The following IL1RAPL2 variants were observed in gnomAD, a reference collection of about 807,000 sequenced individuals.
The protein encoded by IL1RAPL2 is X-linked interleukin-1 receptor accessory protein-like 2.
Under a neutral mutation model 44.1 loss-of-function variants are expected in IL1RAPL2, and 3 were observed. That is an observed-to-expected ratio of 0.07 (90% CI 0.03 to 0.18). IL1RAPL2 has a LOEUF of 0.18. Among genes scored for constraint, IL1RAPL2 ranks in the 10% least tolerant of loss-of-function variants. The probability of loss-of-function intolerance (pLI) is 1.00; values close to 1 mark genes in which losing one functional copy is unlikely to be tolerated. For missense variants in IL1RAPL2, 391 were observed against 496.4 expected (o/e 0.79, Z 2.02); for synonymous variants, 181 against 178.8 (o/e 1.01, Z -0.10).
chrX:104,824,709 A>G (rs181318645), intron 2 of IL1RAPL2, among the ~76,000 whole-genome samples: 133 of 111,547 alleles, frequency 1.2e-3, no homozygotes, highest in Non-Finnish European at 1.9e-3. Flanking sequence ...GGTAGTTTAT[A>G]TTTCTGTGGA....
At position 105,000,997 on chromosome X, in the gene IL1RAPL2, T is replaced by C. The variant is rs2030841421; in HGVS notation, c.83-194478T>C. 2.7e-5 allele frequency among the ~76,000 whole-genome samples: 3 copies of C among 111,536 alleles called. No individual in the cohort carries two copies. In the South Asian group the frequency reaches 1.1e-3, roughly 42 times the overall value. The stretch of plus-strand genomic sequence containing the variant: ...ATCAGAGGAAATATTAATAGAAAGG[T>C]CCACTGGAGTCCTTAGCCTTGCAGT... On this transcript the variant is annotated intron_variant, in intron 2 of 10. Transcript: ENST00000372582.
At chrX:104,736,857 C>A (rs1262584379) in intron 2 of IL1RAPL2, among the ~76,000 whole-genome samples, 1 of 111,914 alleles carries the variant, frequency 8.9e-6, no homozygotes, top group Non-Finnish European at 1.9e-5. Context: ...AGAACATGAA[C>A]TTTTCAGTAA....
chrX:104,990,140 C>A (rs950938965), intron 2 of IL1RAPL2, among the ~76,000 whole-genome samples: 1 of 112,084 alleles, frequency 8.9e-6, no homozygotes, highest in Non-Finnish European at 1.9e-5. Context: ...TCTTACATCA[C>A]CAAAATCTAT....
chrX:105,143,591 C>A (rs1256254712), intron 2 of IL1RAPL2, among the ~76,000 whole-genome samples: 3 of 112,208 alleles, frequency 2.7e-5, no homozygotes, highest in African/African-American at 9.7e-5. Context: ...CATCCCATTA[C>A]TGGGTATATA....
intron 3 of IL1RAPL2, among the ~76,000 whole-genome samples, chrX:105,215,419 G>A (rs2033847706): frequency 9.0e-6 from 1 of 111,505 alleles, no homozygotes. Context: ...GGAAGAAGTC[G>A]AATCCCTGAA....
chrX:105,064,315 T>C (rs1382201186), intron 2 of IL1RAPL2, among the ~76,000 whole-genome samples: 3 of 112,431 alleles, frequency 2.7e-5, no homozygotes, highest in African/African-American at 9.7e-5. Flanking sequence ...GTCTCACCCA[T>C]GGCCACCAAT....
chrX:104,876,326 C>G (rs191716941), intron 2 of IL1RAPL2, among the ~76,000 whole-genome samples: 34 of 111,745 alleles, frequency 3.0e-4, no homozygotes, highest in Admixed American at 2.9e-3. Context: ...AATCTCTCTT[C>G]TTAAATTTAT....
chrX:105,011,820 T>C (rs1026354238), intron 2 of IL1RAPL2, among the ~76,000 whole-genome samples: 1 of 110,588 alleles, frequency 9.0e-6, no homozygotes, highest in Admixed American at 9.7e-5. Flanking sequence ...TGGGTATATA[T>C]CTAGGAGTGG....
chrX:105,075,678 T>G (rs1227305760), intron 2 of IL1RAPL2, among the ~76,000 whole-genome samples: 1 of 111,971 alleles, frequency 8.9e-6, no homozygotes, highest in East Asian at 2.8e-4. Context: ...GTCCTGGACT[T>G]TTTTTGGTTG....
At chrX:105,092,552 C>A (rs890393967) in intron 2 of IL1RAPL2, among the ~76,000 whole-genome samples, 17 of 111,085 alleles carry the variant, frequency 1.5e-4, no homozygotes, top group Non-Finnish European at 1.9e-5. Flanking sequence ...GACTCGATTA[C>A]CTAGGCATGA....
chrX:105,613,486 C>A (rs1355720645), intron 6 of IL1RAPL2, among the ~76,000 whole-genome samples: 1 of 111,921 alleles, frequency 8.9e-6, no homozygotes, highest in African/African-American at 3.2e-5. Context: ...ACCTTAGATA[C>A]CACCTCAGCC....
At chrX:105,644,974 A>G (rs12391518) in intron 6 of IL1RAPL2, among the ~76,000 whole-genome samples, 36,371 of 110,555 alleles carry the variant, frequency 0.33, 4,460 homozygotes, top group Middle Eastern at 0.4. Context: ...TCCATGGTGT[A>G]TATGTGCCAC....
intron 2 of IL1RAPL2, among the ~76,000 whole-genome samples, chrX:104,794,598 T>C (rs1393448576): frequency 3.6e-5 from 4 of 111,947 alleles, no homozygotes; most frequent in Admixed American, 9.5e-5. Flanking sequence ...GTACATGATA[T>C]TATGGAAATA....
intron 2 of IL1RAPL2, among the ~76,000 whole-genome samples, chrX:105,080,781 G>A (rs1333200480): frequency 3.6e-5 from 4 of 111,862 alleles, no homozygotes; most frequent in African/African-American, 1.3e-4. Flanking sequence ...GATGGGGATA[G>A]CATTGAATCT....
chrX:105,031,254 G>T (rs1434124022), intron 2 of IL1RAPL2, among the ~76,000 whole-genome samples: 1 of 106,459 alleles, frequency 9.4e-6, no homozygotes, highest in Non-Finnish European at 1.9e-5. Context: ...CTGCCTAATT[G>T]CCCTGGCCAG....
intron 2 of IL1RAPL2, among the ~76,000 whole-genome samples, chrX:104,955,702 C>A (rs1925695189): frequency 9.1e-6 from 1 of 109,802 alleles, no homozygotes; most frequent in African/African-American, 3.3e-5. Flanking sequence ...ATTCTCAGAC[C>A]CAGTACAATG....
At chrX:105,697,057 G>A (rs2038081712) in intron 6 of IL1RAPL2, among the ~76,000 whole-genome samples, 5 of 109,691 alleles carry the variant, frequency 4.6e-5, no homozygotes, top group Admixed American at 2.9e-4. Flanking sequence ...GAGAGGAAGT[G>A]AGAAAAAGGG....
intron 5 of IL1RAPL2, among the ~76,000 whole-genome samples, chrX:105,369,933 A>G (rs973532331): frequency 2.7e-5 from 3 of 111,974 alleles, no homozygotes; most frequent in East Asian, 2.8e-4. Context: ...ACAGGTCCAT[A>G]TATCTATTCT....
chrX:104,933,241 G>C (rs1162968026), intron 2 of IL1RAPL2, among the ~76,000 whole-genome samples: 1 of 110,713 alleles, frequency 9.0e-6, no homozygotes, highest in East Asian at 2.8e-4. Context: ...CATGTTGTGC[G>C]CATGTACCCT....
Sources: allele counts gnomAD v4.1 joint callset (sites outside exome capture counted in the v4.1 genomes callset), GRCh38; gene constraint gnomAD v4.1.1; transcripts MANE v1.5; gene names NCBI Gene and HGNC (gene_info 2026-07-23, HGNC 2026-07-21).